Variants in KIFC3 observed in about 807,000 individuals in gnomAD.
KIFC3 encodes the protein kinesin family member C3, also known as kinesin-like protein KIFC3.
In KIFC3, 60 loss-of-function variants were observed where a neutral mutation model predicts 101.8. The ratio of observed to expected loss-of-function variants is 0.59; its 90% CI spans 0.48 to 0.73. KIFC3 has a LOEUF of 0.73. Among genes scored for constraint, KIFC3 ranks in the 30% least tolerant of loss-of-function variants. The pLI, the probability that KIFC3 is intolerant of heterozygous loss-of-function variation, is 0.00. For synonymous variants in KIFC3, 476 were observed against 482.7 expected, an observed-to-expected ratio of 0.99 and a Z score of 0.18; for missense variants, 966 against 1,137.1, an observed-to-expected ratio of 0.85 and a Z score of 2.16.
chr16:57,760,560 G>GT, intron 16 of KIFC3, 144 bp from the exon 17 acceptor site: 1 of 1,163,000 alleles, frequency 8.6e-7, no homozygotes, highest in Non-Finnish European at 1.2e-6. Flanking sequence ...CATGGCAGAG[G>GT]TGCTGTGGTC....
At chr16:57,821,992 C>G (rs1420847435) in intron 1 of KIFC3, among the ~76,000 whole-genome samples, 2 of 152,194 alleles carry the variant, frequency 1.3e-5, no homozygotes, top group Admixed American at 6.5e-5. Context: ...GAAAGGATCA[C>G]TTGAGCCTGG....
At chr16:57,786,426 C>T (rs2053329330) in intron 3 of KIFC3, among the ~76,000 whole-genome samples, 1 of 152,088 alleles carries the variant, frequency 6.6e-6, no homozygotes, top group Non-Finnish European at 1.5e-5. Context: ...GTGCACGGGG[C>T]CTGGGATGCT....
chr16:57,856,189 G>GGA (rs1432296453), intron 1 of KIFC3, among the ~76,000 whole-genome samples: 2 of 101,160 alleles, frequency 2.0e-5, no homozygotes, highest in African/African-American at 9.1e-5. Context: ...TAAAAAAAAA[G>GGA]AAAAAAAAAG....
intron 3 of KIFC3, among the ~76,000 whole-genome samples, chr16:57,784,355 G>T (rs1191717820): frequency 1.3e-5 from 2 of 152,190 alleles, no homozygotes; most frequent in Non-Finnish European, 2.9e-5. Flanking sequence ...AGCATGAGGG[G>T]TGCCCCAAGG....
Position 57,758,443 on chromosome 16 carries a change from C to A in KIFC3, c.*491G>T, listed in dbSNP as rs1473438808. The A allele has an allele frequency of 7.9e-6, 3 of 378,140 alleles. No homozygotes were observed. The East Asian group carries it at 2.0e-4, about 26-fold the overall frequency. 23.4% of individuals were successfully genotyped at this position (378,140 alleles called of 1,614,324 possible). ...CACACCCCCCAGCTGCGGGAACCCT[C>A]CTTGAAGGAGAGGGGCGGGGAGGGC... On this transcript the variant is annotated 3_prime_UTR_variant, in exon 20 of 20. Transcript: ENST00000445690.
chr16:57,784,352 G>A (rs2053095808), intron 3 of KIFC3, among the ~76,000 whole-genome samples: 2 of 152,200 alleles, frequency 1.3e-5, no homozygotes, highest in African/African-American at 2.4e-5. Context: ...CAAAGCATGA[G>A]GGGTGCCCCA....
intron 1 of KIFC3, among the ~76,000 whole-genome samples, chr16:57,842,748 T>C (rs1293899126): frequency 6.6e-6 from 1 of 152,160 alleles, no homozygotes; most frequent in East Asian, 1.9e-4. Flanking sequence ...GTTTAGGAGA[T>C]GTTTTGTGGC....
At chr16:57,855,886 T>A (rs1372987937) in intron 1 of KIFC3, among the ~76,000 whole-genome samples, 1 of 148,720 alleles carries the variant, frequency 6.7e-6, no homozygotes, top group African/African-American at 2.5e-5. Flanking sequence ...GCAGAGGTTG[T>A]AGTGAGCCAA....
chr16:57,795,961 T>C (rs1306956562), intron 2 of KIFC3, among the ~76,000 whole-genome samples: 2 of 148,602 alleles, frequency 1.3e-5, no homozygotes, highest in African/African-American at 2.5e-5. Flanking sequence ...TGGTGCGATC[T>C]TGGCTCACTG....
intron 1 of KIFC3, among the ~76,000 whole-genome samples, chr16:57,844,914 T>G (rs2055886770): frequency 6.6e-6 from 1 of 152,218 alleles, no homozygotes; most frequent in African/African-American, 2.4e-5. Context: ...GGACAGGATC[T>G]TCAGCTTCCA....
intron 3 of KIFC3, among the ~76,000 whole-genome samples, chr16:57,790,661 G>A (rs1555619996): frequency 1.3e-5 from 2 of 152,248 alleles, no homozygotes; most frequent in Non-Finnish European, 1.5e-5. Flanking sequence ...TAACAGGACC[G>A]CCTCATTGAG....
At chr16:57,763,164 G>C (rs546026433) in intron 12 of KIFC3, among the ~76,000 whole-genome samples, 1 of 152,194 alleles carries the variant, frequency 6.6e-6, no homozygotes, top group African/African-American at 2.4e-5. Context: ...GGCCCTCTGT[G>C]GGGGCAGGGA....
chr16:57,773,867 C>T (rs2051637979), intron 3 of KIFC3: 1 of 151,946 alleles, frequency 6.6e-6, no homozygotes, highest in Non-Finnish European at 1.5e-5. Flanking sequence ...GAGAGAACGG[C>T]TGACTCACAG....
chr16:57,849,027 G>A (rs2055994537), intron 1 of KIFC3, among the ~76,000 whole-genome samples: 1 of 152,174 alleles, frequency 6.6e-6, no homozygotes, highest in Admixed American at 6.5e-5. Context: ...GTCATGGTAA[G>A]TACCACACTT....
At chr16:57,818,523 C>T (rs1555629331) in intron 1 of KIFC3, among the ~76,000 whole-genome samples, 1 of 151,664 alleles carries the variant, frequency 6.6e-6, no homozygotes, top group African/African-American at 2.4e-5. Context: ...TGCTACGAAG[C>T]CCAGCTAATT....
chr16:57,780,667 ATT>A (rs1191334568), intron 3 of KIFC3, among the ~76,000 whole-genome samples: 18 of 69,954 alleles, frequency 2.6e-4, no homozygotes, highest in Admixed American at 1.2e-3. Context: ...CTGAAGACAA[ATT>A]TTTTTTTTTT....
At chr16:57,782,917 G>A (rs782665376) in intron 3 of KIFC3, among the ~76,000 whole-genome samples, 9 of 152,236 alleles carry the variant, frequency 5.9e-5, no homozygotes, top group South Asian at 2.1e-4. Flanking sequence ...TTGCATTCCA[G>A]CCTGGGCAAC....
intron 11 of KIFC3, 137 bp downstream of exon 11, chr16:57,765,322 C>G (rs2050362595): frequency 1.2e-6 from 1 of 839,484 alleles, no homozygotes. Flanking sequence ...GAGGAAGGAG[C>G]AGGACCCTGG....
chr16:57,790,917 G>A (rs568343490), intron 3 of KIFC3: 2 of 985,280 alleles, frequency 2.0e-6, no homozygotes, highest in African/African-American at 3.5e-5. Flanking sequence ...AGAAGGGCGG[G>A]TGGCAGACAC....
Sources: gnomAD v4.1 joint callset for allele counts (sites outside exome capture counted in the v4.1 genomes callset) on GRCh38, gnomAD v4.1.1 for gene constraint, MANE v1.5 for transcripts, NCBI Gene and HGNC (gene_info 2026-07-23, HGNC 2026-07-21) for gene names.